B4GALNT3: variants seen among roughly 807,000 people sequenced by gnomAD.
B4GALNT3 encodes the protein beta-1,4-N-acetylgalactosaminyltransferase 3.
In B4GALNT3, 86 loss-of-function variants were observed where a neutral mutation model predicts 120.2. The observed-to-expected ratio is 0.72, with a 90% CI of 0.60 to 0.86. The LOEUF (loss-of-function observed/expected upper bound fraction) is 0.86, where lower values mean the gene tolerates loss of function less well. Ranked by LOEUF, B4GALNT3 falls within the 40% of genes least tolerant of loss-of-function variation. The pLI, the probability that B4GALNT3 is intolerant of heterozygous loss-of-function variation, is 0.00. For synonymous variants in B4GALNT3, 518 were observed against 510.4 expected (o/e 1.01, Z -0.20); for missense variants, 1,167 against 1,298.9 (o/e 0.90, Z 1.56).
rs1381356218 is a variant in B4GALNT3, at chr12:543,783, G to T, written c.352-556G>T. 2.9e-4 allele frequency among the ~76,000 whole-genome samples: 37 copies of T among 126,294 alleles called. 2 individuals carry two copies. Among genetic ancestry groups the T allele is most frequent in the Middle Eastern group, 5.2e-3 (1 of 194 alleles). 82.9% of individuals were successfully genotyped at this position (126,294 alleles called of 152,430 possible). Reference sequence around the variant, plus strand: ...CATCCTCCCAGAGCTGAGGAGCTGGGGCAGGCATGGGGTGCTCATCTTCCC... The same window carrying T: ...CATCCTCCCAGAGCTGAGGAGCTGGTGCAGGCATGGGGTGCTCATCTTCCC... On this transcript the variant is annotated intron_variant, in intron 3 of 19. Transcript: ENST00000266383.
chr12:464,961 C>T (rs1328763345), intron 1 of B4GALNT3, among the ~76,000 whole-genome samples: 1 of 152,060 alleles, frequency 6.6e-6, no homozygotes, highest in Non-Finnish European at 1.5e-5. Context: ...TACAAACCCT[C>T]CAGTGAGAGA....
chr12:511,013 CTTTTTTTTTTTTTTTTTT>C (rs762032000), intron 1 of B4GALNT3, among the ~76,000 whole-genome samples: 94 of 43,892 alleles, frequency 2.1e-3, no homozygotes, highest in African/African-American at 5.9e-3. Flanking sequence ...TTTGCCTATT[CTTTTTTTTTTTTTTTTTT>C]TTTTTTTTTT....
At chr12:558,240 G>T in intron 17 of B4GALNT3, 152 bp downstream of exon 17, 1 of 900,664 alleles carries the variant, frequency 1.1e-6, no homozygotes. Context: ...CCAGTGCTAG[G>T]GTGGGACCAG....
Position 559,399 on chromosome 12 carries a change from G to A in B4GALNT3, c.2866G>A (p.Glu956Lys). 6.2e-7 allele frequency: 1 copy of A among 1,614,010 alleles called. No homozygotes were observed. The highest frequency in any genetic ancestry group is 8.5e-7 in the Non-Finnish European group (1 of 1,179,938). ...TKEFRDRWGGEDWELLDRILQ... is the reference protein window; with the variant it reads ...TKEFRDRWGGKDWELLDRILQ... The stretch of plus-strand genomic sequence containing the variant: ...GGAGTTCCGAGACCGCTGGGGCGGG[G>A]AAGACTGGGAGCTGCTGGACAGGTG... The change falls in exon 19 of 20, where the codon GAA becomes AAA. Residue 956 changes from glutamate (E) to lysine (K), a missense_variant. By Grantham distance (56) the Glu-to-Lys change is moderately conservative. Around this residue, in one of 3 missense-constraint regions of B4GALNT3, gnomAD observed 983 missense variants for 1,102.5 expected, o/e 0.89. Coordinates refer to ENST00000266383, the MANE Select transcript of B4GALNT3 (RefSeq NM_173593.4).
intron 1 of B4GALNT3, among the ~76,000 whole-genome samples, chr12:484,767 A>G (rs34410245): frequency 7.6e-4 from 114 of 150,650 alleles, no homozygotes; most frequent in African/African-American, 2.6e-3. Context: ...AAGGAAGGAG[A>G]CAATGAAGTC....
chr12:515,603 T>C (rs978630488), intron 1 of B4GALNT3, among the ~76,000 whole-genome samples: 2 of 152,204 alleles, frequency 1.3e-5, no homozygotes, highest in African/African-American at 4.8e-5. Flanking sequence ...GTTTTTATCA[T>C]CTCGTATTTA....
At chr12:541,670 C>T (rs1426755147) in intron 3 of B4GALNT3, among the ~76,000 whole-genome samples, 1 of 152,148 alleles carries the variant, frequency 6.6e-6, no homozygotes, top group African/African-American at 2.4e-5. Context: ...TGCACAAGGG[C>T]CTGGGCTTAG....
At chr12:536,359 C>T (rs1946860126) in intron 3 of B4GALNT3, 64 bp downstream of exon 3, 2 of 1,404,430 alleles carry the variant, frequency 1.4e-6, no homozygotes, top group Middle Eastern at 1.8e-4. Flanking sequence ...ACAGATAATT[C>T]CAGAGATCAC....
chr12:529,508 C>T (rs550461092), intron 1 of B4GALNT3, among the ~76,000 whole-genome samples: 1 of 152,240 alleles, frequency 6.6e-6, no homozygotes, highest in East Asian at 1.9e-4. Flanking sequence ...TTGGGGCCGA[C>T]GATACTACTC....
intron 3 of B4GALNT3, among the ~76,000 whole-genome samples, chr12:540,096 GT>G (rs1946899358): frequency 6.6e-6 from 1 of 152,196 alleles, no homozygotes; most frequent in African/African-American, 2.4e-5. Context: ...TTTGACTCTG[GT>G]TGAGTAGCAG....
At chr12:534,680 CCT>C (rs1448635797) in intron 1 of B4GALNT3, among the ~76,000 whole-genome samples, 6 of 152,224 alleles carry the variant, frequency 3.9e-5, no homozygotes, top group Non-Finnish European at 5.9e-5. Context: ...CTCTTTCCTG[CCT>C]CTCTCAGCTC....
intron 1 of B4GALNT3, among the ~76,000 whole-genome samples, chr12:488,635 C>T (rs1278847111): frequency 1.3e-5 from 2 of 151,966 alleles, no homozygotes; most frequent in African/African-American, 2.4e-5. Flanking sequence ...AGCAAGACCC[C>T]ATCTCTACAA....
At chr12:506,425 A>G (rs1946496928) in intron 1 of B4GALNT3, among the ~76,000 whole-genome samples, 1 of 152,164 alleles carries the variant, frequency 6.6e-6, no homozygotes, top group Admixed American at 6.5e-5. Flanking sequence ...TTATCTTCCT[A>G]TATTTTCATT....
At chr12:532,443 A>T (rs576442595) in intron 1 of B4GALNT3, among the ~76,000 whole-genome samples, 11 of 152,234 alleles carry the variant, frequency 7.2e-5, no homozygotes, top group Admixed American at 6.5e-4. Flanking sequence ...CTGCTGCAAC[A>T]TGGGAGAGAG....
In B4GALNT3 at chr12:483,743, C is replaced by A. The variant is rs139412607; in HGVS notation, c.169+23198C>A. ...GTTATGTGCACGTGGCACATGTGAT[C>A]TCATTTAATCCTCACAACGGACACT... On this transcript the variant is annotated intron_variant, in intron 1 of 19. Transcript: ENST00000266383. Among the ~76,000 whole-genome samples the A allele has an allele frequency of 2.4e-3, 360 of 152,354 alleles. 1 individual carries two copies. Among genetic ancestry groups the A allele is most frequent in the African/African-American group, 8.0e-3 (332 of 41,586 alleles).
chr12:538,285 G>A (rs1388933569), intron 3 of B4GALNT3, among the ~76,000 whole-genome samples: 1 of 152,122 alleles, frequency 6.6e-6, no homozygotes, highest in South Asian at 2.1e-4. Flanking sequence ...GGCTGGGCTT[G>A]GTGGCTCAAG....
intron 9 of B4GALNT3, 92 bp from the exon 10 acceptor site, chr12:549,677 C>G: frequency 4.6e-6 from 7 of 1,512,884 alleles, no homozygotes; most frequent in Non-Finnish European, 6.4e-6. Flanking sequence ...AGTCAGGAGC[C>G]CCTTCTGCGT....
intron 3 of B4GALNT3, chr12:543,301 T>G: frequency 9.8e-7 from 1 of 1,017,760 alleles, no homozygotes; most frequent in Non-Finnish European, 1.3e-6. Context: ...CTGCCCAGCC[T>G]CCCGGAGCTG....
intron 1 of B4GALNT3, among the ~76,000 whole-genome samples, chr12:498,797 C>G (rs1313815184): frequency 1.3e-5 from 2 of 152,198 alleles, no homozygotes; most frequent in Admixed American, 1.3e-4. Flanking sequence ...TTCAAGCACG[C>G]TGGACAGCCA....
Sources: allele counts gnomAD v4.1 joint callset (sites outside exome capture counted in the v4.1 genomes callset), GRCh38; gene constraint gnomAD v4.1.1; regional missense constraint gnomAD v4.1.1; transcripts MANE v1.5; gene names NCBI Gene and HGNC (gene_info 2026-07-23, HGNC 2026-07-21).